The following CENPE variants were observed in gnomAD, a reference collection of about 807,000 sequenced individuals.
CENPE encodes centromere-associated protein E.
In CENPE, 145 loss-of-function variants were observed where a neutral mutation model predicts 336.1. That is an observed-to-expected ratio of 0.43 (90% CI 0.38 to 0.50). The LOEUF (loss-of-function observed/expected upper bound fraction) is 0.50. Ranked by LOEUF, CENPE falls within the 20% of genes least tolerant of loss-of-function variation. CENPE has a pLI of 0.00. For missense variants in CENPE, 2,719 were observed against 3,023.3 expected (o/e 0.90, Z 2.36); for synonymous variants, 1,013 against 984.8 (o/e 1.03, Z -0.54).
At chr4:103,157,391 T>C (rs1159133051) in intron 24 of CENPE, among the ~76,000 whole-genome samples, 5 of 151,918 alleles carry the variant, frequency 3.3e-5, no homozygotes, top group African/African-American at 1.2e-4. Context: ...CATATACATA[T>C]AATGGAAATT....
intron 13 of CENPE, among the ~76,000 whole-genome samples, chr4:103,177,330 C>T (rs1755955907): frequency 6.6e-6 from 1 of 152,010 alleles, no homozygotes; most frequent in African/African-American, 2.4e-5. Context: ...TCTTACCTTA[C>T]CCAGCTGCTG....
At chr4:103,153,362 T>C in intron 24 of CENPE, 112 bp from the exon 25 acceptor site, 1 of 662,886 alleles carries the variant, frequency 1.5e-6, no homozygotes, top group Non-Finnish European at 2.5e-6. Flanking sequence ...TCTCATATCT[T>C]AACACATTTA....
intron 42 of CENPE, among the ~76,000 whole-genome samples, chr4:103,132,257 T>A (rs1751650025): frequency 6.6e-6 from 1 of 152,058 alleles, no homozygotes; most frequent in Non-Finnish European, 1.5e-5. Context: ...AACCTAAAAC[T>A]GCTCTTAAAA....
intron 25 of CENPE, among the ~76,000 whole-genome samples, 194 bp downstream of exon 25, chr4:103,152,853 G>A (rs1285960613): frequency 1.3e-5 from 2 of 152,068 alleles, no homozygotes; most frequent in African/African-American, 4.8e-5. Context: ...AAACTTTCTG[G>A]GGGTGATGGA....
chr4:103,117,730 C>T (rs912188018), intron 44 of CENPE, among the ~76,000 whole-genome samples: 12 of 149,848 alleles, frequency 8.0e-5, no homozygotes, highest in South Asian at 2.1e-4. Flanking sequence ...CGGGTTCAAG[C>T]GATTCTCCTG....
At position 103,143,246 on chromosome 4, in the gene CENPE, A is replaced by G. The variant is rs769750158; in HGVS notation, c.5304+2T>C. 6.4e-7 allele frequency: 1 copy of G among 1,573,842 alleles called. No individual in the cohort carries two copies. Among genetic ancestry groups the G allele is most frequent in the Non-Finnish European group, 8.6e-7 (1 of 1,162,754 alleles). ...AACTGAGATAACTTAAAAATAAAAT[A>G]CCTGTGCTTTTAAGGCATCATTTGA... On this transcript the variant is annotated splice_donor_variant, in intron 34 of 48. Transcript: ENST00000265148. LOFTEE classifies it high-confidence loss of function.
Position 103,149,423 on chromosome 4 carries a change from T to A in CENPE, c.3397-15A>T. On this transcript the variant is annotated splice_polypyrimidine_tract_variant and intron_variant, in intron 26 of 48. Transcript: ENST00000265148. ...AGTTGCTGGCTCTTAAAATGCACAATTTTTATAATTACCATTTTACTTATA... is the reference window on the plus strand; with the variant it reads ...AGTTGCTGGCTCTTAAAATGCACAAATTTTATAATTACCATTTTACTTATA... The A allele has an allele frequency of 2.6e-6, 4 of 1,537,688 alleles. No homozygotes were observed. The highest frequency in any genetic ancestry group is 2.6e-6 in the Non-Finnish European group (3 of 1,152,568).
Position 103,112,326 on chromosome 4 carries a change from T to G in CENPE, c.7541-1315A>C, listed in dbSNP as rs186138477. On this transcript the variant is annotated intron_variant, in intron 46 of 48. Transcript: ENST00000265148. ...CTTGTACTATATACTTATAAGTGTA[T>G]ATATATATACACTTATATATAAGTA... is the stretch of plus-strand genomic sequence containing the variant. 3.5e-3 allele frequency among the ~76,000 whole-genome samples: 514 copies of G among 146,956 alleles called. 3 individuals are homozygous for G. Among genetic ancestry groups the G allele is most frequent in the African/African-American group, 0.011 (445 of 40,586 alleles).
intron 4 of CENPE, 45 bp downstream of exon 4, chr4:103,195,875 A>C (rs1056668802): frequency 3.6e-6 from 4 of 1,112,602 alleles, no homozygotes; most frequent in Non-Finnish European, 5.5e-6. Context: ...CCCAGTTTTT[A>C]CTAGTTTTAC....
At chr4:103,121,647 C>G (rs2125867082) in intron 43 of CENPE, among the ~76,000 whole-genome samples, 2 of 151,066 alleles carry the variant, frequency 1.3e-5, no homozygotes, top group Non-Finnish European at 2.9e-5. Context: ...CTCCCAGGCT[C>G]AAGTAATCCT....
intron 18 of CENPE, 57 bp downstream of exon 18, chr4:103,163,077 AGAT>A: frequency 7.0e-7 from 1 of 1,433,124 alleles, no homozygotes; most frequent in Non-Finnish European, 9.5e-7. Context: ...GCATTTGCTA[AGAT>A]GATGGTATGC....
chr4:103,116,779 T>C (rs1750156795), intron 44 of CENPE, 90 bp from the exon 45 acceptor site: 3 of 632,342 alleles, frequency 4.7e-6, no homozygotes, highest in Non-Finnish European at 8.1e-6. Flanking sequence ...TTTGCTCTAA[T>C]AAGGACATTT....
rs796210216 is a variant in CENPE at position 103,155,556 on chromosome 4, G to A, written c.3034-2306C>T. Among the ~76,000 whole-genome samples, 5 of 152,176 alleles carry A rather than the reference G, an allele frequency of 3.3e-5. No individual in the cohort carries two copies. In the East Asian group the frequency reaches 5.8e-4, roughly 18 times the overall value. On this transcript the variant is annotated intron_variant, in intron 24 of 48. Coordinates refer to ENST00000265148, the MANE Select transcript of CENPE (RefSeq NM_001813.3). The stretch of plus-strand genomic sequence containing the variant: ...TTGAACTCCTGGACTCAAGCAATCT[G>A]CCCACCTTGGCCTCTGAAAGTACTA...
chr4:103,124,805 CAT>C (rs1001821007), intron 42 of CENPE, among the ~76,000 whole-genome samples: 3 of 152,152 alleles, frequency 2.0e-5, no homozygotes, highest in African/African-American at 7.2e-5. Context: ...GCTTTGTGGT[CAT>C]TCTACCAGAT....
intron 8 of CENPE, among the ~76,000 whole-genome samples, chr4:103,186,710 A>C (rs1456193962): frequency 6.6e-6 from 1 of 152,222 alleles, no homozygotes; most frequent in African/African-American, 2.4e-5. Flanking sequence ...ACAAATAAGA[A>C]ACATGTTGTG....
At chr4:103,177,753 C>T (rs193229316) in intron 13 of CENPE, among the ~76,000 whole-genome samples, 9 of 151,998 alleles carry the variant, frequency 5.9e-5, no homozygotes, top group Admixed American at 5.9e-4. Context: ...ATACTGCATA[C>T]TGTCATGCCT....
Position 103,136,306 on chromosome 4 carries a change from T to C in CENPE, c.6357A>G (p.Arg2119=). ...EMDDHYECLN[R]LSLDLEKEIE... ...TTTCCTTCTCCAAGTCAAGAGACAA[T>C]CTATTCAAGCACTCATAATGATCAT... The change falls in exon 40 of 49, where the codon AGA becomes AGG. Residue 2119 remains arginine (R), a synonymous_variant. Coordinates refer to ENST00000265148, the MANE Select transcript of CENPE (RefSeq NM_001813.3). The C allele has an allele frequency of 6.2e-7, 1 of 1,613,150 alleles. No individual in the cohort carries two copies. The highest frequency in any genetic ancestry group is 1.1e-5 in the South Asian group (1 of 91,052).
chr4:103,188,608 C>A (rs1421881291), intron 8 of CENPE, among the ~76,000 whole-genome samples: 2 of 152,062 alleles, frequency 1.3e-5, no homozygotes, highest in Admixed American at 1.3e-4. Context: ...AACAAAGACA[C>A]AACATACCAG....
At chr4:103,114,007 G>A (rs1346397068) in intron 46 of CENPE, among the ~76,000 whole-genome samples, 1 of 152,066 alleles carries the variant, frequency 6.6e-6, no homozygotes, top group Non-Finnish European at 1.5e-5. Context: ...ACCTTTGCAA[G>A]TAAATATTAA....
Sources: gnomAD v4.1 joint callset for allele counts (sites outside exome capture counted in the v4.1 genomes callset) on GRCh38, gnomAD v4.1.1 for gene constraint, MANE v1.5 for transcripts, NCBI Gene and HGNC (gene_info 2026-07-23, HGNC 2026-07-21) for gene names.